Variants in APP observed in about 807,000 individuals in gnomAD.
The protein encoded by APP is amyloid-beta precursor protein.
APP carries 31 observed loss-of-function variants against 101.4 expected under a neutral mutation model. The observed-to-expected ratio is 0.31, with a 90% confidence interval of 0.23 to 0.41. The LOEUF (loss-of-function observed/expected upper bound fraction) is 0.41. Among genes scored for constraint, APP ranks in the 10% least tolerant of loss-of-function variants. The pLI, the probability that APP is intolerant of heterozygous loss-of-function variation, is 1.00. For synonymous variants in APP, 366 were observed against 364.4 expected, an observed-to-expected ratio of 1.00 and a Z score of -0.05; for missense variants, 839 against 1,003.7, an observed-to-expected ratio of 0.84 and a Z score of 2.22.
Position 25,881,739 on chromosome 21 carries a change from G to A in APP, c.2244C>T (p.His748=). ...AGCCGTTCTGCTGCATCTTGGACAG[G>A]TGGCGCTCCTCTGGGGTGACAGCGG... is the stretch of plus-strand genomic sequence containing the variant. ...VDAAVTPEER[H]LSKMQQNGYE... is the part of the protein sequence containing the mutation. Residue 748 remains histidine (H), a synonymous_variant, in exon 18 of 18, where the codon CAC becomes CAT. Coordinates refer to ENST00000346798, the MANE Select transcript of APP (RefSeq NM_000484.4). 6.2e-7 allele frequency: 1 copy of A among 1,613,970 alleles called. No individual in the cohort carries two copies. Among genetic ancestry groups the A allele is most frequent in the Non-Finnish European group, 8.5e-7 (1 of 1,180,038 alleles).
chr21:26,054,813 A>G (rs1007459774), intron 3 of APP, among the ~76,000 whole-genome samples: 1 of 152,040 alleles, frequency 6.6e-6, no homozygotes, highest in Admixed American at 6.5e-5. Context: ...ACAGCAGCAA[A>G]GACAGGAATG....
At position 26,154,420 on chromosome 21, in the gene APP, T is replaced by C. The variant is rs545182399; in HGVS notation, c.57+16144A>G. Reference sequence around the variant, plus strand: ...ATTCCTATTCCAACAGTGCTCACAATAGAAAAAGATGAACTGATCACTGGA... The same window carrying C: ...ATTCCTATTCCAACAGTGCTCACAACAGAAAAAGATGAACTGATCACTGGA... On this transcript the variant is annotated intron_variant, in intron 1 of 17. Transcript: ENST00000346798. 4.6e-5 allele frequency among the ~76,000 whole-genome samples: 7 copies of C among 152,190 alleles called. No homozygotes were observed. The East Asian group carries it at 1.2e-3, about 25-fold the overall frequency.
At chr21:26,039,320 C>G (rs552307447) in intron 5 of APP, among the ~76,000 whole-genome samples, 2 of 152,324 alleles carry the variant, frequency 1.3e-5, no homozygotes, top group East Asian at 3.9e-4. Flanking sequence ...CAGCTCTTCA[C>G]AAAGGCTGGC....
chr21:26,043,942 T>C (rs937852627), intron 5 of APP, among the ~76,000 whole-genome samples: 41 of 152,232 alleles, frequency 2.7e-4, no homozygotes, highest in African/African-American at 9.9e-4. Flanking sequence ...CCTCGATCTT[T>C]TTCCTATATT....
intron 1 of APP, among the ~76,000 whole-genome samples, chr21:26,143,249 G>C (rs1403603052): frequency 6.6e-6 from 1 of 152,194 alleles, no homozygotes; most frequent in Non-Finnish European, 1.5e-5. Flanking sequence ...CAAGGCAGGA[G>C]GATCACTTAG....
chr21:26,083,231 G>A (rs143725972), intron 3 of APP, among the ~76,000 whole-genome samples: 1 of 152,224 alleles, frequency 6.6e-6, no homozygotes, highest in East Asian at 1.9e-4. Flanking sequence ...TATCTACCAG[G>A]ATGTTTATCA....
chr21:26,087,755 G>A (rs1468603981), intron 3 of APP, among the ~76,000 whole-genome samples: 1 of 152,178 alleles, frequency 6.6e-6, no homozygotes, highest in East Asian at 1.9e-4. Context: ...GTGAGGACAG[G>A]TCATTAACTT....
chr21:26,029,724 C>T (rs970473574), intron 5 of APP, among the ~76,000 whole-genome samples: 4 of 152,070 alleles, frequency 2.6e-5, no homozygotes, highest in Non-Finnish European at 5.9e-5. Flanking sequence ...AACTGCAACC[C>T]GCAACTTGTT....
At chr21:25,972,640 G>A (rs909574561) in intron 11 of APP, among the ~76,000 whole-genome samples, 2 of 208 alleles carry the variant, frequency 9.6e-3, no homozygotes, top group African/African-American at 0.038. Context: ...GGGTTCAAGT[G>A]ATCTCCTATC....
chr21:25,975,197 T>C lies in APP; in HGVS notation c.1331A>G (p.Gln444Arg). The C allele has an allele frequency of 6.2e-7, 1 of 1,614,182 alleles. No individual in the cohort carries two copies. Among genetic ancestry groups the C allele is most frequent in the Non-Finnish European group, 8.5e-7 (1 of 1,180,026 alleles). ...HFQEKVESLE[Q>R]EAANERQQLV... ...CTGCTGTCTCTCGTTGGCTGCTTCC[T>C]GTTCCAAAGATTCCACTTTCTCCTG... Residue 444 changes from glutamine to arginine, a missense_variant, in exon 11 of 18, where the codon CAG (glutamine) becomes CGG (arginine). Coordinates refer to ENST00000346798, the MANE Select transcript of APP (RefSeq NM_000484.4).
intron 1 of APP, among the ~76,000 whole-genome samples, chr21:26,150,493 C>T (rs1238269827): frequency 6.6e-6 from 1 of 152,138 alleles, no homozygotes; most frequent in Non-Finnish European, 1.5e-5. Flanking sequence ...ATATTCTGAT[C>T]CCCTTCATAC....
intron 1 of APP, among the ~76,000 whole-genome samples, chr21:26,122,995 C>T (rs557599563): frequency 1.3e-5 from 2 of 152,188 alleles, no homozygotes; most frequent in African/African-American, 2.4e-5. Context: ...GCAATCAGAA[C>T]AAGTGAGATT....
intron 9 of APP, among the ~76,000 whole-genome samples, chr21:25,978,604 T>C (rs2042310259): frequency 6.6e-6 from 1 of 152,204 alleles, no homozygotes; most frequent in Non-Finnish European, 1.5e-5. Flanking sequence ...CTAAGTTTAT[T>C]TATATTTAGT....
intron 1 of APP, among the ~76,000 whole-genome samples, chr21:26,169,052 C>T (rs1224341044): frequency 2.0e-5 from 3 of 152,156 alleles, no homozygotes; most frequent in African/African-American, 7.2e-5. Flanking sequence ...GTTAAGATGC[C>T]AAACAGGAAC....
At chr21:25,885,516 A>G (rs1169115932) in intron 17 of APP, among the ~76,000 whole-genome samples, 2 of 152,226 alleles carry the variant, frequency 1.3e-5, no homozygotes, top group Non-Finnish European at 2.9e-5. Context: ...GGATGAAGAC[A>G]CACATACATA....
chr21:26,038,412 G>T (rs2045219480), intron 5 of APP, among the ~76,000 whole-genome samples: 1 of 152,140 alleles, frequency 6.6e-6, no homozygotes, highest in Non-Finnish European at 1.5e-5. Flanking sequence ...TGAGCCCCAA[G>T]GAGAGTCTTT....
intron 5 of APP, among the ~76,000 whole-genome samples, chr21:26,049,981 T>C (rs190099132): frequency 4.3e-4 from 66 of 152,296 alleles, no homozygotes; most frequent in African/African-American, 1.3e-3. Context: ...CAACTGAATA[T>C]CAACCTGGAT....
chr21:25,960,417 ATGGGTCC>A (rs2041529448), intron 11 of APP, among the ~76,000 whole-genome samples: 1 of 151,992 alleles, frequency 6.6e-6, no homozygotes. Flanking sequence ...TTAATCCTAA[ATGGGTCC>A]TGTTAAGAAT....
chr21:26,047,952 G>A (rs1353328220), intron 5 of APP, among the ~76,000 whole-genome samples: 1 of 152,120 alleles, frequency 6.6e-6, no homozygotes, highest in Non-Finnish European at 1.5e-5. Context: ...AGATATACTG[G>A]ATTAAATAAA....
Sources: allele counts gnomAD v4.1 joint callset (sites outside exome capture counted in the v4.1 genomes callset), GRCh38; gene constraint gnomAD v4.1.1; transcripts MANE v1.5; gene names NCBI Gene and HGNC (gene_info 2026-07-23, HGNC 2026-07-21).